The following OPCML variants were observed in gnomAD, a reference collection of about 807,000 sequenced individuals.
OPCML encodes the protein opioid-binding protein/cell adhesion molecule.
Under a neutral mutation model 37.8 loss-of-function variants are expected in OPCML, and 13 were observed. The ratio of observed to expected loss-of-function variants is 0.34; its 90% CI spans 0.22 to 0.55. The LOEUF (loss-of-function observed/expected upper bound fraction) is 0.55. Among genes scored for constraint, OPCML ranks in the 20% least tolerant of loss-of-function variants. The pLI, the probability that OPCML is intolerant of heterozygous loss-of-function variation, is 0.91. For synonymous variants in OPCML, 176 were observed against 168.8 expected (o/e 1.04, Z -0.33); for missense variants, 341 against 435.6 (o/e 0.78, Z 1.93).
At chr11:133,349,515 A>G (rs1944080403) in intron 1 of OPCML, among the ~76,000 whole-genome samples, 2 of 152,236 alleles carry the variant, frequency 1.3e-5, no homozygotes, top group African/African-American at 4.8e-5. Flanking sequence ...TCTATCCTGC[A>G]TGGTGATACC....
At chr11:132,825,494 G>A (rs1486092515) in intron 2 of OPCML, among the ~76,000 whole-genome samples, 1 of 152,086 alleles carries the variant, frequency 6.6e-6, no homozygotes, top group African/African-American at 2.4e-5. Flanking sequence ...TTTCTCAAGA[G>A]GAAAATGAGG....
chr11:133,480,772 T>A (rs999379381), intron 1 of OPCML, among the ~76,000 whole-genome samples: 5 of 152,252 alleles, frequency 3.3e-5, no homozygotes, highest in Non-Finnish European at 5.9e-5. Flanking sequence ...AAGTTGGAGA[T>A]AAACTGCTTA....
At chr11:132,447,677 G>A (rs58939311) in intron 4 of OPCML, among the ~76,000 whole-genome samples, 8,978 of 152,210 alleles carry the variant, frequency 0.059, 402 homozygotes, top group African/African-American at 0.11. Flanking sequence ...TAAACCAGGT[G>A]GCCGACATAC....
intron 1 of OPCML, among the ~76,000 whole-genome samples, chr11:133,000,556 T>C (rs1432418615): frequency 3.9e-5 from 6 of 152,182 alleles, no homozygotes; most frequent in Non-Finnish European, 8.8e-5. Context: ...AAATCCTTAA[T>C]GTATAATTGC....
intron 2 of OPCML, among the ~76,000 whole-genome samples, chr11:132,775,884 A>G (rs1255542903): frequency 1.3e-5 from 2 of 152,242 alleles, no homozygotes; most frequent in Non-Finnish European, 2.9e-5. Flanking sequence ...AAGTTAAAGT[A>G]CAAAGTGACA....
intron 1 of OPCML, among the ~76,000 whole-genome samples, chr11:133,359,407 C>A (rs1944364801): frequency 6.6e-6 from 1 of 152,056 alleles, no homozygotes; most frequent in African/African-American, 2.4e-5. Flanking sequence ...GTGAAAAAGC[C>A]CTGCAGCATA....
At chr11:132,757,070 G>C (rs59680717) in intron 2 of OPCML, among the ~76,000 whole-genome samples, 3,067 of 152,194 alleles carry the variant, frequency 0.02, 83 homozygotes, top group African/African-American at 0.067. Context: ...CTGTTCCTGT[G>C]TTAGTTTGCT....
At chr11:132,746,587 ACAGT>A (rs536270637) in intron 2 of OPCML, among the ~76,000 whole-genome samples, 62 of 152,248 alleles carry the variant, frequency 4.1e-4, no homozygotes, top group African/African-American at 1.4e-3. Context: ...CACCCACGAG[ACAGT>A]CAGAGGTCGG....
At chr11:133,315,425 T>A (rs1265345871) in intron 1 of OPCML, among the ~76,000 whole-genome samples, 1 of 152,206 alleles carries the variant, frequency 6.6e-6, no homozygotes, top group Non-Finnish European at 1.5e-5. Flanking sequence ...CTACTAGCAC[T>A]AAACTAGAAA....
chr11:132,954,127 T>TTTTG (rs992045436), intron 1 of OPCML, among the ~76,000 whole-genome samples: 6 of 37,902 alleles, frequency 1.6e-4, no homozygotes, highest in South Asian at 8.4e-4. Context: ...TTCTTGGGTT[T>TTTTG]TTTGTTTGTT....
chr11:132,439,615 A>G (rs2096025172), intron 4 of OPCML, among the ~76,000 whole-genome samples: 1 of 152,192 alleles, frequency 6.6e-6, no homozygotes, highest in Non-Finnish European at 1.5e-5. Context: ...ACAAAGAAAA[A>G]TTAGTTGATC....
Position 133,316,838 on chromosome 11 carries a change from A to G in OPCML, c.61+215426T>C, listed in dbSNP as rs117918364. Among the ~76,000 whole-genome samples the G allele has an allele frequency of 6.6e-3, 1,007 of 152,304 alleles. 2 individuals carry two copies. Among genetic ancestry groups the G allele is most frequent in the Middle Eastern group, 0.014 (4 of 294 alleles). On this transcript the variant is annotated intron_variant, in intron 1 of 7. Coordinates refer to ENST00000524381, the MANE Select transcript of OPCML (RefSeq NM_001012393.5). The stretch of plus-strand genomic sequence containing the variant: ...TCATCGCTAAGCCCCACGTAAATAT[A>G]TTTTCAGTGTTTAATGGCTATTTTT...
At chr11:132,882,945 T>C (rs1244708136) in intron 2 of OPCML, among the ~76,000 whole-genome samples, 1 of 152,184 alleles carries the variant, frequency 6.6e-6, no homozygotes, top group Non-Finnish European at 1.5e-5. Flanking sequence ...CTTGCATTCA[T>C]GAATTTGAAT....
At chr11:133,210,620 A>T (rs530514351) in intron 1 of OPCML, among the ~76,000 whole-genome samples, 23 of 152,292 alleles carry the variant, frequency 1.5e-4, no homozygotes, top group Non-Finnish European at 2.6e-4. Flanking sequence ...CCCCTGTTCC[A>T]TCAAAGTTGA....
intron 1 of OPCML, among the ~76,000 whole-genome samples, chr11:132,951,544 G>C (rs950997854): frequency 6.6e-6 from 1 of 152,136 alleles, no homozygotes; most frequent in Admixed American, 6.6e-5. Context: ...CGAATTTTGG[G>C]GGCCATGATT....
chr11:133,447,822 T>C (rs1356035864), intron 1 of OPCML, among the ~76,000 whole-genome samples: 2 of 152,240 alleles, frequency 1.3e-5, no homozygotes, highest in Non-Finnish European at 2.9e-5. Context: ...AACAGTACAG[T>C]GATGAACATA....
At chr11:133,392,947 C>A (rs1359545069) in intron 1 of OPCML, among the ~76,000 whole-genome samples, 1 of 151,994 alleles carries the variant, frequency 6.6e-6, no homozygotes, top group Admixed American at 6.5e-5. Context: ...TCATCCCAAT[C>A]TCATTGTCCC....
chr11:133,264,929 T>C (rs1941610650), intron 1 of OPCML, among the ~76,000 whole-genome samples: 1 of 152,214 alleles, frequency 6.6e-6, no homozygotes, highest in Non-Finnish European at 1.5e-5. Context: ...CTACCACCTT[T>C]ACAGGTTTAG....
intron 1 of OPCML, among the ~76,000 whole-genome samples, chr11:133,451,298 G>C (rs1020951030): frequency 6.6e-6 from 1 of 151,786 alleles, no homozygotes; most frequent in Non-Finnish European, 1.5e-5. Context: ...GGGAAATGCT[G>C]AGGAAAATTT....
Sources: allele counts gnomAD v4.1 joint callset (sites outside exome capture counted in the v4.1 genomes callset), GRCh38; gene constraint gnomAD v4.1.1; transcripts MANE v1.5; gene names NCBI Gene and HGNC (gene_info 2026-07-23, HGNC 2026-07-21).